TRPM3: variants seen among roughly 807,000 people sequenced by gnomAD.
TRPM3 encodes long transient receptor potential channel 3.
TRPM3 carries 77 observed loss-of-function variants against 181.2 expected under a neutral mutation model. The ratio of observed to expected loss-of-function variants is 0.42; its 90% CI spans 0.35 to 0.51. TRPM3 has a LOEUF of 0.51. Ranked by LOEUF, TRPM3 falls within the 20% of genes least tolerant of loss-of-function variation. The pLI, the probability that TRPM3 is intolerant of heterozygous loss-of-function variation, is 0.01. For synonymous variants in TRPM3, 745 were observed against 796.4 expected, an observed-to-expected ratio of 0.94 and a Z score of 1.09; for missense variants, 1,759 against 2,196.7, an observed-to-expected ratio of 0.80 and a Z score of 3.98.
chr9:71,128,512 A>G (rs1324392753), intron 1 of TRPM3, among the ~76,000 whole-genome samples: 1 of 152,196 alleles, frequency 6.6e-6, no homozygotes, highest in African/African-American at 2.4e-5. Flanking sequence ...TGATCACTTA[A>G]TATTCACTCT....
intron 5 of TRPM3, among the ~76,000 whole-genome samples, chr9:70,836,097 A>T (rs2094302887): frequency 6.6e-6 from 1 of 152,044 alleles, no homozygotes; most frequent in African/African-American, 2.4e-5. Context: ...TAAATGATAA[A>T]CCTCCAGGTT....
chr9:71,017,712 C>A (rs1293851420), intron 1 of TRPM3, among the ~76,000 whole-genome samples: 6 of 151,458 alleles, frequency 4.0e-5, no homozygotes, highest in Non-Finnish European at 4.4e-5. Flanking sequence ...AATTGATAGA[C>A]CCAATAAAAG....
chr9:70,816,365 G>C (rs2092688314), intron 6 of TRPM3, among the ~76,000 whole-genome samples: 1 of 152,248 alleles, frequency 6.6e-6, no homozygotes, highest in Non-Finnish European at 1.5e-5. Context: ...GATAATTGGT[G>C]TAAGAATCCT....
chr9:70,567,941 GGA>G (rs1464983276), intron 22 of TRPM3, among the ~76,000 whole-genome samples: 3 of 152,098 alleles, frequency 2.0e-5, no homozygotes, highest in African/African-American at 7.2e-5. Flanking sequence ...TACACACACA[GGA>G]GAGAGAGAAG....
rs116952305 is a variant in TRPM3 at position 71,254,437 on chromosome 9, G to A, written c.183+192216C>T. Among the ~76,000 whole-genome samples, 1,517 of 152,260 alleles carry A rather than the reference G, an allele frequency of 1.0e-2. 12 individuals carry two copies. The highest frequency in any genetic ancestry group is 0.021 in the Middle Eastern group (6 of 292). ...ATCTGCTGTACAACACGGTGACTTA[G>A]TCGGCAACAACGTATTACATATTTG... On this transcript the variant is annotated intron_variant, in intron 1 of 24. Coordinates refer to the TRPM3 transcript ENST00000357533.
chr9:71,444,735 T>A (rs1205648889), intron 1 of TRPM3, among the ~76,000 whole-genome samples: 1 of 152,238 alleles, frequency 6.6e-6, no homozygotes, highest in Non-Finnish European at 1.5e-5. Flanking sequence ...CACTTACAAA[T>A]GAAGTCAAAA....
Position 70,833,037 on chromosome 9 carries a change from T to C in TRPM3, c.802-5019A>G, listed in dbSNP as rs73467830. Among the ~76,000 whole-genome samples, 808 of 152,324 alleles carry C rather than the reference T, an allele frequency of 5.3e-3. 9 individuals carry two copies. The highest frequency in any genetic ancestry group is 0.018 in the African/African-American group (759 of 41,584). On this transcript the variant is annotated intron_variant, in intron 5 of 25. Coordinates refer to ENST00000677713, the MANE Select transcript of TRPM3 (RefSeq NM_001366145.2). ...AAAGAAACTTTTGGACAATAGTTTT[T>C]CCATCTATAAATTAGAGGACTTGAC... is the stretch of plus-strand genomic sequence containing the variant.
At chr9:70,754,335 G>T (rs1369443205) in intron 8 of TRPM3, among the ~76,000 whole-genome samples, 1 of 152,130 alleles carries the variant, frequency 6.6e-6, no homozygotes, top group Non-Finnish European at 1.5e-5. Context: ...GTTCCCCAAT[G>T]AATATGTTGC....
chr9:70,903,197 CT>C (rs1554765896), intron 1 of TRPM3, among the ~76,000 whole-genome samples: 2 of 152,180 alleles, frequency 1.3e-5, no homozygotes, highest in Non-Finnish European at 2.9e-5. Flanking sequence ...TATAATAGGT[CT>C]TTTTTTCCAG....
chr9:70,574,765 C>T (rs915971034), intron 22 of TRPM3, among the ~76,000 whole-genome samples: 1 of 152,152 alleles, frequency 6.6e-6, no homozygotes, highest in African/African-American at 2.4e-5. Context: ...GAATGACTTT[C>T]AGGCTGGCTG....
intron 1 of TRPM3, among the ~76,000 whole-genome samples, chr9:70,965,247 C>T (rs149494887): frequency 1.1e-4 from 17 of 152,096 alleles, no homozygotes; most frequent in Middle Eastern, 3.4e-3. Context: ...TAGCACTGAA[C>T]ATATTTATGG....
intron 8 of TRPM3, among the ~76,000 whole-genome samples, chr9:70,744,257 G>A (rs2074719658): frequency 6.6e-6 from 1 of 151,916 alleles, no homozygotes; most frequent in Admixed American, 6.6e-5. Flanking sequence ...GAACCTGGGA[G>A]GCAGAGGTGG....
At chr9:71,308,083 GC>G (rs1412504834) in intron 1 of TRPM3, among the ~76,000 whole-genome samples, 4 of 150,456 alleles carry the variant, frequency 2.7e-5, no homozygotes, top group African/African-American at 7.3e-5. Flanking sequence ...TGATTCTCCT[GC>G]CTCAGCCTCC....
chr9:70,985,861 C>G (rs1340095736), intron 1 of TRPM3, among the ~76,000 whole-genome samples: 1 of 152,132 alleles, frequency 6.6e-6, no homozygotes, highest in African/African-American at 2.4e-5. Context: ...GTGGAGTACA[C>G]TCAATACCCT....
At chr9:71,416,609 C>T (rs937842862) in intron 1 of TRPM3, among the ~76,000 whole-genome samples, 1 of 151,724 alleles carries the variant, frequency 6.6e-6, no homozygotes, top group Non-Finnish European at 1.5e-5. Context: ...CAGTAAAATG[C>T]CTTATGTTTT....
At chr9:71,137,572 C>T (rs1201901627) in intron 1 of TRPM3, among the ~76,000 whole-genome samples, 1 of 152,106 alleles carries the variant, frequency 6.6e-6, no homozygotes, top group Non-Finnish European at 1.5e-5. Flanking sequence ...TTATCTTAAT[C>T]TTTTTCCTGG....
At chr9:71,377,714 G>C (rs575253150) in intron 1 of TRPM3, among the ~76,000 whole-genome samples, 3 of 151,998 alleles carry the variant, frequency 2.0e-5, no homozygotes, top group Non-Finnish European at 2.9e-5. Flanking sequence ...TTTAGTATGT[G>C]AACACACCAA....
At chr9:70,769,288 G>A (rs950966096) in intron 7 of TRPM3, among the ~76,000 whole-genome samples, 9 of 151,998 alleles carry the variant, frequency 5.9e-5, no homozygotes, top group Non-Finnish European at 1.0e-4. Flanking sequence ...CCAGACTCTT[G>A]CATGCCTCTA....
intron 1 of TRPM3, among the ~76,000 whole-genome samples, chr9:71,438,451 C>A (rs1322158928): frequency 6.6e-6 from 1 of 152,038 alleles, no homozygotes; most frequent in Admixed American, 6.5e-5. Context: ...GGAAGGATCA[C>A]TTGAGCCCAG....
Sources: allele counts gnomAD v4.1 joint callset (sites outside exome capture counted in the v4.1 genomes callset), GRCh38; gene constraint gnomAD v4.1.1; transcripts MANE v1.5; gene names NCBI Gene and HGNC (gene_info 2026-07-23, HGNC 2026-07-21).